The following BTRC variants were observed in gnomAD, a reference collection of about 807,000 sequenced individuals.
The protein encoded by BTRC is beta-transducin repeat containing E3 ubiquitin protein ligase.
In BTRC, 42 loss-of-function variants were observed where a neutral mutation model predicts 85.5. The observed-to-expected ratio is 0.49, with a 90% CI of 0.38 to 0.64. BTRC has a LOEUF of 0.64. BTRC is among the 30% of genes least tolerant of loss of function. The pLI, the probability that BTRC is intolerant of heterozygous loss-of-function variation, is 0.00. For synonymous variants in BTRC, 255 were observed against 263.3 expected, an observed-to-expected ratio of 0.97 and a Z score of 0.30; for missense variants, 594 against 743.5, an observed-to-expected ratio of 0.80 and a Z score of 2.34.
intron 3 of BTRC, among the ~76,000 whole-genome samples, chr10:101,473,735 G>A (rs1392556566): frequency 6.6e-6 from 1 of 151,796 alleles, no homozygotes; most frequent in African/African-American, 2.4e-5. Flanking sequence ...CCTCCAAAGT[G>A]CTAGGTGTAA....
intron 2 of BTRC, among the ~76,000 whole-genome samples, chr10:101,439,249 G>A (rs1301377579): frequency 6.6e-6 from 1 of 152,194 alleles, no homozygotes; most frequent in Non-Finnish European, 1.5e-5. Context: ...GTGTGCCTGA[G>A]CGCTTCATCC....
intron 4 of BTRC, among the ~76,000 whole-genome samples, chr10:101,518,817 GTCACCTTTTTCAGGAAATGATC>G (rs1455219407): frequency 6.6e-6 from 1 of 151,314 alleles, no homozygotes; most frequent in Non-Finnish European, 1.5e-5. Flanking sequence ...GAGTTAAAAT[GTCACCTTTTTCAGGAAATGATC>G]TCTAACCACT....
chr10:101,376,417 T>C (rs1227512564), intron 1 of BTRC, among the ~76,000 whole-genome samples: 1 of 152,192 alleles, frequency 6.6e-6, no homozygotes, highest in Non-Finnish European at 1.5e-5. Flanking sequence ...AGTAAGTTGG[T>C]TTCAGAAAAC....
intron 2 of BTRC, among the ~76,000 whole-genome samples, chr10:101,452,945 C>A (rs1944986366): frequency 6.6e-6 from 1 of 152,042 alleles, no homozygotes; most frequent in African/African-American, 2.4e-5. Context: ...ACTTAAATGA[C>A]CTAAGTTTTC....
intron 5 of BTRC, 113 bp from the exon 6 acceptor site, chr10:101,525,900 A>G (rs771542912): frequency 2.9e-6 from 3 of 1,027,382 alleles, no homozygotes; most frequent in Non-Finnish European, 4.2e-6. Flanking sequence ...CACTAGGGAC[A>G]ATGATGTGCC....
chr10:101,448,808 G>A (rs1239534497), intron 2 of BTRC, among the ~76,000 whole-genome samples: 1 of 151,804 alleles, frequency 6.6e-6, no homozygotes, highest in South Asian at 2.1e-4. Context: ...AATGTATGGT[G>A]TATAATTTTT....
At chr10:101,357,440 C>CAAAAAA (rs11294551) in intron 1 of BTRC, among the ~76,000 whole-genome samples, 1 of 85,782 alleles carries the variant, frequency 1.2e-5, no homozygotes, top group Non-Finnish European at 2.2e-5. Context: ...GACTCTGTCT[C>CAAAAAA]AAAAAAAAAA....
chr10:101,385,769 A>G (rs1053207131), intron 1 of BTRC, among the ~76,000 whole-genome samples: 8 of 151,460 alleles, frequency 5.3e-5, no homozygotes, highest in Non-Finnish European at 1.2e-4. Context: ...AAATTTCAGG[A>G]GGTTCAGAGA....
intron 2 of BTRC, among the ~76,000 whole-genome samples, chr10:101,439,208 T>C (rs1220091424): frequency 6.6e-6 from 1 of 152,234 alleles, no homozygotes; most frequent in Non-Finnish European, 1.5e-5. Context: ...TAGAAGCTTT[T>C]TGTTTTCTGA....
At chr10:101,399,939 C>T (rs1943454995) in intron 1 of BTRC, among the ~76,000 whole-genome samples, 1 of 152,196 alleles carries the variant, frequency 6.6e-6, no homozygotes, top group Admixed American at 6.5e-5. Context: ...ATATGTAACT[C>T]TTAATACTAA....
At chr10:101,533,455 T>C (rs2062331642) in intron 9 of BTRC, among the ~76,000 whole-genome samples, 1 of 152,182 alleles carries the variant, frequency 6.6e-6, no homozygotes, top group African/African-American at 2.4e-5. Flanking sequence ...CTTTGAAACA[T>C]GTACAGGTGA....
intron 1 of BTRC, chr10:101,354,497 C>A: frequency 2.1e-6 from 1 of 483,398 alleles, no homozygotes; most frequent in East Asian, 3.7e-5. Context: ...CCAGGCGGCG[C>A]GCGGGGCCCT....
At chr10:101,462,181 C>A in intron 3 of BTRC, 123 bp downstream of exon 3, 1 of 712,716 alleles carries the variant, frequency 1.4e-6, no homozygotes, top group Non-Finnish European at 2.3e-6. Context: ...CGGACGTTGG[C>A]CTGGCCATAG....
chr10:101,454,558 T>C (rs1945027240), intron 2 of BTRC, among the ~76,000 whole-genome samples: 1 of 152,084 alleles, frequency 6.6e-6, no homozygotes, highest in African/African-American at 2.4e-5. Flanking sequence ...GGTGGGAGGA[T>C]TGCTTGAGGC....
chr10:101,517,951 C>T (rs1163917384), intron 4 of BTRC, among the ~76,000 whole-genome samples: 2 of 138,648 alleles, frequency 1.4e-5, no homozygotes, highest in African/African-American at 5.4e-5. Flanking sequence ...CTCGCTCTGT[C>T]GCCCAGGCTG....
chr10:101,430,318 C>T, intron 1 of BTRC, 27 bp from the exon 2 acceptor site: 1 of 1,531,040 alleles, frequency 6.5e-7, no homozygotes, highest in Non-Finnish European at 9.0e-7. Flanking sequence ...CATACTGTCC[C>T]ATCTCATAGT....
At chr10:101,470,518 C>T (rs559182542) in intron 3 of BTRC, among the ~76,000 whole-genome samples, 1 of 151,898 alleles carries the variant, frequency 6.6e-6, no homozygotes, top group East Asian at 1.9e-4. Flanking sequence ...TTAGTAGAGA[C>T]GGGGTTTCAC....
chr10:101,467,043 AACC>A (rs1945391358), intron 3 of BTRC, among the ~76,000 whole-genome samples: 3 of 152,164 alleles, frequency 2.0e-5, no homozygotes, highest in African/African-American at 7.2e-5. Context: ...TTAACAAAAC[AACC>A]ACAACAACAA....
intron 4 of BTRC, among the ~76,000 whole-genome samples, chr10:101,498,170 T>A (rs1042333839): frequency 6.6e-6 from 1 of 152,170 alleles, no homozygotes; most frequent in Non-Finnish European, 1.5e-5. Flanking sequence ...GCTGCTTTTT[T>A]TGAGATGGAG....
Sources: allele counts gnomAD v4.1 joint callset (sites outside exome capture counted in the v4.1 genomes callset), GRCh38; gene constraint gnomAD v4.1.1; transcripts MANE v1.5; gene names NCBI Gene and HGNC (gene_info 2026-07-23, HGNC 2026-07-21).